Variants in RBM28 observed in about 807,000 individuals in gnomAD.
RBM28 encodes the protein RNA-binding protein 28.
In RBM28, 78 loss-of-function variants were observed where a neutral mutation model predicts 98.3. That is an observed-to-expected ratio of 0.79 (90% CI 0.66 to 0.96). The LOEUF (loss-of-function observed/expected upper bound fraction) is 0.96. Among genes scored for constraint, RBM28 ranks in the 40% least tolerant of loss-of-function variants. The pLI is 0.00. For synonymous variants in RBM28, 306 were observed against 330.9 expected (o/e 0.92, Z 0.82); for missense variants, 838 against 913.0 (o/e 0.92, Z 1.06).
rs1795728285 is a variant in RBM28, at chr7:128,297,937, T to C, written c.*12860A>G. On this transcript the variant is annotated 3_prime_UTR_variant, in exon 19 of 19. Transcript: ENST00000223073. ...TCACTCATAGGTGGGAATTGAACAA[T>C]GAGAACACATGGACACAGGAAGGGG... 7.7e-6 allele frequency: 1 copy of C among 130,438 alleles called. No individual in the cohort carries two copies. The highest frequency in any genetic ancestry group is 1.6e-5 in the Non-Finnish European group (1 of 64,372). The allele number at this position is 130,438 out of a possible 1,614,324, so 8.1% of individuals were successfully genotyped here.
chr7:128,342,473 C>T (rs359659), intron 1 of RBM28, among the ~76,000 whole-genome samples: 2 of 151,854 alleles, frequency 1.3e-5, no homozygotes, highest in African/African-American at 2.4e-5. Context: ...CCTGAGGTCT[C>T]GAGTTCCAGA....
At chr7:128,317,821 C>A in intron 15 of RBM28, 88 bp from the exon 16 acceptor site, 1 of 1,507,310 alleles carries the variant, frequency 6.6e-7, no homozygotes, top group Non-Finnish European at 9.2e-7. Context: ...ACATCCTCCC[C>A]CAACCCACCT....
At chr7:128,322,115 T>A (rs6467171) in intron 13 of RBM28, among the ~76,000 whole-genome samples, 1 of 151,852 alleles carries the variant, frequency 6.6e-6, no homozygotes, top group Non-Finnish European at 1.5e-5. Context: ...CTGTGATTAA[T>A]ATCTATGCCC....
Position 128,325,148 on chromosome 7 carries a change from C to T in RBM28, c.1204-454G>A, listed in dbSNP as rs150078545. Among the ~76,000 whole-genome samples the T allele has an allele frequency of 7.1e-4, 108 of 152,328 alleles. No individual in the cohort carries two copies. In the East Asian group the frequency reaches 0.013, roughly 19 times the overall value. On this transcript the variant is annotated intron_variant, in intron 11 of 18. Transcript: ENST00000223073. ...ATTACGCTATGGAAGCCAAGCCCTACGACGTTTCAGCTCAGCTAGCTACAA... is the reference window on the plus strand; with the variant it reads ...ATTACGCTATGGAAGCCAAGCCCTATGACGTTTCAGCTCAGCTAGCTACAA...
intron 8 of RBM28, 88 bp from the exon 9 acceptor site, chr7:128,333,450 C>T: frequency 2.6e-6 from 3 of 1,157,248 alleles, no homozygotes; most frequent in Non-Finnish European, 3.8e-6. Flanking sequence ...TAAAGATAAG[C>T]CTGGCGCAGT....
chr7:128,317,548 G>T, intron 16 of RBM28, 111 bp downstream of exon 16: 1 of 815,944 alleles, frequency 1.2e-6, no homozygotes, highest in South Asian at 1.4e-5. Context: ...AGGGAACTAG[G>T]AGCAAAAAAA....
chr7:128,324,252 A>G (rs1293151059), intron 12 of RBM28, among the ~76,000 whole-genome samples: 1 of 152,256 alleles, frequency 6.6e-6, no homozygotes, highest in East Asian at 1.9e-4. Flanking sequence ...AAAACCTCTT[A>G]TTAGAAATGA....
intron 13 of RBM28, 129 bp downstream of exon 13, chr7:128,323,398 C>T: frequency 5.6e-6 from 6 of 1,078,710 alleles, no homozygotes; most frequent in Non-Finnish European, 8.6e-6. Flanking sequence ...GCTTTTCTCC[C>T]TAACAGGGCA....
At position 128,339,257 on chromosome 7, in the gene RBM28, G is replaced by A; in HGVS notation, c.342C>T (p.Ala114=). 1.2e-6 allele frequency: 2 copies of A among 1,613,274 alleles called. No homozygotes were observed. Among genetic ancestry groups the A allele is most frequent in the Non-Finnish European group, 1.7e-6 (2 of 1,179,278 alleles). Residue 114 remains alanine, a synonymous_variant, in exon 3 of 19, where the codon GCC becomes GCT. Transcript: ENST00000223073. ...AGCTCAGGTTCCGAATAATTAATCT[G>A]GCTTTCTTATCTGCCACTTTGGCTT... ...AKKAKVADKK[A]RLIIRNLSFK... is the part of the protein sequence containing the mutation.
chr7:128,326,942 C>G (rs578134978), intron 10 of RBM28, among the ~76,000 whole-genome samples: 1 of 151,562 alleles, frequency 6.6e-6, no homozygotes, highest in South Asian at 2.1e-4. Flanking sequence ...GAGTTAGAGC[C>G]TAAGCAACAT....
intron 17 of RBM28, 97 bp from the exon 18 acceptor site, chr7:128,313,371 G>T: frequency 8.3e-7 from 1 of 1,200,408 alleles, no homozygotes; most frequent in Non-Finnish European, 1.2e-6. Context: ...CCCATGATAA[G>T]TGAAGTCATT....
chr7:128,336,178 A>C, intron 6 of RBM28, 136 bp from the exon 7 acceptor site: 1 of 806,876 alleles, frequency 1.2e-6, no homozygotes. Context: ...ACTGCATATA[A>C]CAGGAGAAAG....
Position 128,338,240 on chromosome 7 carries a change from G to A in RBM28, c.541+10C>T, listed in dbSNP as rs747102285. ...TATCTGGGTCAATGATATGGGTATA[G>A]AAAGCTTACCTTTTATCTCTTTCAT... On this transcript the variant is annotated intron_variant, in intron 5 of 18. Transcript: ENST00000223073. 16 of 1,607,452 alleles carry A rather than the reference G, an allele frequency of 1.0e-5. 1 individual carries two copies. In the South Asian group the frequency reaches 1.8e-4, roughly 18 times the overall value.
Position 128,313,248 on chromosome 7 carries a change from G to A in RBM28, c.2072C>T (p.Pro691Leu), listed in dbSNP as rs373235125. 20 of 1,613,976 alleles carry A rather than the reference G, an allele frequency of 1.2e-5. No individual in the cohort carries two copies. The highest frequency in any genetic ancestry group is 1.6e-5 in the Non-Finnish European group (19 of 1,180,016). Residue 691 changes from proline (P) to leucine (L), a missense_variant, in exon 18 of 19, where the codon CCC (proline) becomes CTC (leucine). Transcript: ENST00000223073. ...IRLRDKGKVK[P>L]VHPKKPKPQI... ...TGGCTTTGGCTTTTTGGGATGGACG[G>A]GCTTCACTTTGCCTTTGTCCCGCAA...
Position 128,300,144 on chromosome 7 carries a change from C to CA in RBM28, c.*10652dup, listed in dbSNP as rs1330961443. 6.6e-6 allele frequency: 1 copy of CA among 152,268 alleles called. No homozygotes were observed. Among genetic ancestry groups the CA allele is most frequent in the Non-Finnish European group, 1.5e-5 (1 of 68,064 alleles). 9.4% of individuals were successfully genotyped at this position (152,268 alleles called of 1,614,324 possible). ...CCTAGAAGCCCAGGTTTCCTTGCTA[C>CA]AACCCTGGCAGAGGCTTTGGCACAT... On this transcript the variant is annotated 3_prime_UTR_variant, in exon 19 of 19. Coordinates refer to ENST00000223073, the MANE Select transcript of RBM28 (RefSeq NM_018077.3).
rs148020074 is a variant in RBM28 at position 128,302,650 on chromosome 7, A to C, written c.*8147T>G. 6.5e-4 allele frequency: 99 copies of C among 152,342 alleles called. No homozygotes were observed. The highest frequency in any genetic ancestry group is 2.2e-3 in the African/African-American group (92 of 41,580). The allele number at this position is 152,342 out of a possible 1,614,324, so 9.4% of individuals were successfully genotyped here. The stretch of plus-strand genomic sequence containing the variant: ...CACCTATTAGTATGTATATGAGTAC[A>C]TTTGGCTTGTGGTAGATCAGGAGAG... On this transcript the variant is annotated 3_prime_UTR_variant, in exon 19 of 19. Coordinates refer to ENST00000223073, the MANE Select transcript of RBM28 (RefSeq NM_018077.3).
intron 9 of RBM28, among the ~76,000 whole-genome samples, chr7:128,331,897 A>C (rs982164126): frequency 2.6e-5 from 4 of 152,232 alleles, no homozygotes; most frequent in African/African-American, 9.7e-5. Flanking sequence ...TGGATAACCC[A>C]GATAAAAAAG....
intron 1 of RBM28, among the ~76,000 whole-genome samples, chr7:128,340,433 G>A (rs1413848531): frequency 6.6e-6 from 1 of 152,142 alleles, no homozygotes; most frequent in Non-Finnish European, 1.5e-5. Context: ...TGCACTGTCT[G>A]GGCATTTTGC....
Position 128,301,540 on chromosome 7 carries a change from C to T in RBM28, c.*9257G>A, listed in dbSNP as rs1017200806. 6 of 152,586 alleles carry T rather than the reference C, an allele frequency of 3.9e-5. No individual in the cohort carries two copies. Among genetic ancestry groups the T allele is most frequent in the African/African-American group, 1.4e-4 (6 of 41,598 alleles). 9.5% of individuals were successfully genotyped at this position (152,586 alleles called of 1,614,324 possible). On this transcript the variant is annotated 3_prime_UTR_variant, in exon 19 of 19. Coordinates refer to ENST00000223073, the MANE Select transcript of RBM28 (RefSeq NM_018077.3). Reference sequence around the variant, plus strand: ...TCTTGGAAGGAGCCTCAGCCCTTCTCTTGGTTCCTGCTTTTGTCTCTAGCC... The same window carrying T: ...TCTTGGAAGGAGCCTCAGCCCTTCTTTTGGTTCCTGCTTTTGTCTCTAGCC...
Sources: gnomAD v4.1 joint callset for allele counts (sites outside exome capture counted in the v4.1 genomes callset) on GRCh38, gnomAD v4.1.1 for gene constraint, MANE v1.5 for transcripts, NCBI Gene and HGNC (gene_info 2026-07-23, HGNC 2026-07-21) for gene names.